The following SBF2 variants were observed in gnomAD, a reference collection of about 807,000 sequenced individuals.
SBF2 encodes the protein myotubularin-related protein 13.
SBF2 carries 112 observed loss-of-function variants against 225.2 expected under a neutral mutation model. That is an observed-to-expected ratio of 0.50 (90% CI 0.43 to 0.58). SBF2 has a LOEUF of 0.58. SBF2 is among the 20% of genes least tolerant of loss of function. SBF2 has a pLI of 0.00. For missense variants in SBF2, 1,996 were observed against 2,206.2 expected (o/e 0.90, Z 1.91); for synonymous variants, 763 against 773.3 (o/e 0.99, Z 0.22).
At chr11:9,898,054 A>G (rs1050233321) in intron 16 of SBF2, among the ~76,000 whole-genome samples, 6 of 151,212 alleles carry the variant, frequency 4.0e-5, no homozygotes, top group African/African-American at 1.4e-4. Flanking sequence ...GAAGCACTCC[A>G]GAAAACAGGA....
At chr11:9,799,918 C>T (rs1275093956) in intron 32 of SBF2, among the ~76,000 whole-genome samples, 2 of 152,134 alleles carry the variant, frequency 1.3e-5, no homozygotes, top group Admixed American at 6.5e-5. Flanking sequence ...TTGGTGAAAT[C>T]AGTACAAATG....
At chr11:9,948,175 C>T (rs958303874) in intron 16 of SBF2, among the ~76,000 whole-genome samples, 13 of 151,690 alleles carry the variant, frequency 8.6e-5, no homozygotes, top group African/African-American at 2.9e-4. Flanking sequence ...AGAACAAATA[C>T]TGTATGATTT....
At chr11:10,130,216 G>A (rs1953971857) in intron 2 of SBF2, among the ~76,000 whole-genome samples, 2 of 151,816 alleles carry the variant, frequency 1.3e-5, no homozygotes, top group Admixed American at 6.6e-5. Flanking sequence ...CAAACAATTA[G>A]CCGGGTGTGG....
chr11:9,993,167 A>AAAAAGGTG, intron 10 of SBF2, 64 bp from the exon 11 acceptor site: 1 of 1,216,698 alleles, frequency 8.2e-7, no homozygotes, highest in Non-Finnish European at 1.2e-6. Context: ...ATATCAAGTC[A>AAAAAGGTG]AAAAGGTGAA....
intron 28 of SBF2, among the ~76,000 whole-genome samples, chr11:9,820,756 C>G (rs1380404354): frequency 1.3e-5 from 2 of 152,214 alleles, no homozygotes; most frequent in African/African-American, 4.8e-5. Context: ...TATATTCTTT[C>G]ACTCTACAAG....
intron 13 of SBF2, among the ~76,000 whole-genome samples, chr11:9,986,076 C>T (rs945633019): frequency 2.0e-5 from 3 of 152,110 alleles, no homozygotes; most frequent in Non-Finnish European, 4.4e-5. Context: ...GAAATTTTAT[C>T]AAGCACTCTC....
At chr11:9,825,627 G>A (rs559905339) in intron 28 of SBF2, among the ~76,000 whole-genome samples, 19 of 152,208 alleles carry the variant, frequency 1.2e-4, no homozygotes, top group African/African-American at 1.9e-4. Flanking sequence ...AGATGTGTAC[G>A]GTTTTCAAAA....
chr11:10,215,108 C>T (rs1211715674), intron 1 of SBF2, among the ~76,000 whole-genome samples: 1 of 152,174 alleles, frequency 6.6e-6, no homozygotes, highest in African/African-American at 2.4e-5. Context: ...GGCTGCCCCA[C>T]AAACTACTAG....
At chr11:10,026,170 TCC>T (rs1055022873) in intron 6 of SBF2, among the ~76,000 whole-genome samples, 10 of 151,668 alleles carry the variant, frequency 6.6e-5, no homozygotes, top group South Asian at 2.1e-4. Flanking sequence ...CCTCCTCTCC[TCC>T]CCCCTCACAA....
At chr11:10,293,935 G>T (rs1428374771) in intron 1 of SBF2, 80 bp downstream of exon 1, 16 of 1,115,976 alleles carry the variant, frequency 1.4e-5, no homozygotes, top group Non-Finnish European at 1.7e-5. Context: ...GCCCGTCCCC[G>T]ACGCCCGGCC....
Position 9,780,240 on chromosome 11 carries a change from G to C in SBF2, c.*178C>G, listed in dbSNP as rs1487179156. On this transcript the variant is annotated 3_prime_UTR_variant, in exon 40 of 40. Coordinates refer to ENST00000256190, the MANE Select transcript of SBF2 (RefSeq NM_030962.4). ...GTGCATGGGGCTGTTGACCAGACCT[G>C]TGTGAAACACCTATTCAGGTTAAGT... 1.5e-6 allele frequency: 1 copy of C among 665,354 alleles called. No individual in the cohort carries two copies. Among genetic ancestry groups the C allele is most frequent in the African/African-American group, 1.8e-5 (1 of 56,140 alleles). 41.2% of individuals were successfully genotyped at this position (665,354 alleles called of 1,614,324 possible).
rs1002854572 is a variant in SBF2, at chr11:10,284,181, G to T, written c.55+9834C>A. On this transcript the variant is annotated intron_variant, in intron 1 of 39. Transcript: ENST00000256190. Reference sequence around the variant, plus strand: ...TTACCCAGTTCCCTCCACTGGTGACGTCTTGCAAAATTAAATTACAAAATC... The same window carrying T: ...TTACCCAGTTCCCTCCACTGGTGACTTCTTGCAAAATTAAATTACAAAATC... Among the ~76,000 whole-genome samples the T allele has an allele frequency of 2.0e-5, 3 of 152,068 alleles. No homozygotes were observed. The East Asian group carries it at 5.8e-4, about 29-fold the overall frequency.
chr11:10,104,347 T>C (rs1952459439), intron 2 of SBF2, among the ~76,000 whole-genome samples: 1 of 152,140 alleles, frequency 6.6e-6, no homozygotes, highest in Non-Finnish European at 1.5e-5. Flanking sequence ...TGGAAGTCAC[T>C]TGTCAAAAGA....
chr11:10,000,977 T>C lies in SBF2; in HGVS notation c.798A>G (p.Leu266=), dbSNP rs138122773. 29 of 1,606,292 alleles carry C rather than the reference T, an allele frequency of 1.8e-5. No individual in the cohort carries two copies. Among genetic ancestry groups the C allele is most frequent in the African/African-American group, 1.7e-4 (13 of 74,700 alleles). The part of the protein sequence containing the change: ...PILPAQLLEV[L]SSPTPFIIGV... ...CAATAATGAAAGGCGTTGGGGAACT[T>C]AGAACTTCCAGTAGCTGAGCCGGGA... The change falls in exon 8 of 40, where the codon CTA becomes CTG. Residue 266 remains leucine, a synonymous_variant. Transcript: ENST00000256190.
chr11:10,297,189 TCC>T (rs140725035), upstream of SBF2, among the ~76,000 whole-genome samples: 3 of 150,490 alleles, frequency 2.0e-5, no homozygotes, highest in African/African-American at 7.3e-5. Flanking sequence ...TATGCCCTAT[TCC>T]CCCCCCCAAA....
chr11:10,014,287 ACATATACATG>A (rs1470979431), intron 6 of SBF2, among the ~76,000 whole-genome samples: 1 of 152,134 alleles, frequency 6.6e-6, no homozygotes, highest in Non-Finnish European at 1.5e-5. Flanking sequence ...ATACATGAGA[ACATATACATG>A]CATATGTATT....
chr11:10,147,117 G>A (rs976758714), intron 2 of SBF2, among the ~76,000 whole-genome samples: 2 of 152,052 alleles, frequency 1.3e-5, no homozygotes, highest in Non-Finnish European at 2.9e-5. Flanking sequence ...TACACTCTTG[G>A]GAGGAGTGTA....
chr11:9,992,395 T>A lies in SBF2; in HGVS notation c.1296+20A>T. On this transcript the variant is annotated intron_variant, in intron 12 of 39. Transcript: ENST00000256190. The stretch of plus-strand genomic sequence containing the variant: ...CTAATTATGTCTATAAATAATGCCT[T>A]CATTTAATAAGAGCTATACCTCATC... The A allele has an allele frequency of 6.2e-7, 1 of 1,603,784 alleles. No individual in the cohort carries two copies. Among genetic ancestry groups the A allele is most frequent in the Non-Finnish European group, 8.5e-7 (1 of 1,173,554 alleles).
chr11:10,285,950 T>G (rs1963736681), intron 1 of SBF2, among the ~76,000 whole-genome samples: 1 of 152,158 alleles, frequency 6.6e-6, no homozygotes, highest in South Asian at 2.1e-4. Flanking sequence ...TCAGCATTAT[T>G]AGTCACCAGG....
Sources: gnomAD v4.1 joint callset for allele counts (sites outside exome capture counted in the v4.1 genomes callset) on GRCh38, gnomAD v4.1.1 for gene constraint, MANE v1.5 for transcripts, NCBI Gene and HGNC (gene_info 2026-07-23, HGNC 2026-07-21) for gene names.